Variants in CCDC171 observed in about 807,000 individuals in gnomAD.
The protein encoded by CCDC171 is coiled-coil domain-containing protein 171.
In CCDC171, 177 loss-of-function variants were observed where a neutral mutation model predicts 168.2. The ratio of observed to expected loss-of-function variants is 1.05; its 90% confidence interval spans 0.93 to 1.19. The LOEUF is 1.19. CCDC171 is among the 50% of genes most tolerant of loss of function. CCDC171 has a pLI of 0.00. For missense variants in CCDC171, 1,991 were observed against 1,539.0 expected, an observed-to-expected ratio of 1.29 and a Z score of -4.91; for synonymous variants, 687 against 540.8, an observed-to-expected ratio of 1.27 and a Z score of -3.75.
Position 15,971,906 on chromosome 9 carries a change from T to A in CCDC171, c.*70T>A. 7.4e-7 allele frequency: 1 copy of A among 1,343,522 alleles called. No individual in the cohort carries two copies. Among genetic ancestry groups the A allele is most frequent in the Non-Finnish European group, 1.1e-6 (1 of 948,676 alleles). 83.2% of individuals were successfully genotyped at this position (1,343,522 alleles called of 1,614,324 possible). A position where few individuals can be genotyped will look rare whatever the true frequency, so the allele number is the denominator to read the frequency against. The stretch of plus-strand genomic sequence containing the variant: ...AAATTGTTTTGAATGGGAATTTTCT[T>A]ATCAGTTGACTTTTGTTTCAGCAGA... On this transcript the variant is annotated 3_prime_UTR_variant, in exon 26 of 26. Transcript: ENST00000380701.
chr9:15,763,546 C>A (rs1285242365), intron 18 of CCDC171, among the ~76,000 whole-genome samples: 1 of 152,036 alleles, frequency 6.6e-6, no homozygotes, highest in Non-Finnish European at 1.5e-5. Flanking sequence ...GGGGCCACCA[C>A]GAATACAAAA....
intron 3 of CCDC171, among the ~76,000 whole-genome samples, chr9:16,013,873 A>G (rs746572742): frequency 6.6e-6 from 1 of 152,202 alleles, no homozygotes; most frequent in Non-Finnish European, 1.5e-5. Flanking sequence ...AATACTAACA[A>G]TCATCTGAGC....
rs1292078880 is a variant in CCDC171, at chr9:15,816,140, A to C, written c.3268-30562A>C. Among the ~76,000 whole-genome samples the C allele has an allele frequency of 2.5e-5, 3 of 117,882 alleles. 1 individual carries two copies. The East Asian group carries it at 6.4e-4, about 25-fold the overall frequency. 77.3% of individuals were successfully genotyped at this position (117,882 alleles called of 152,430 possible). ...TTTTTCAAAGTGTATGTTCTCATACATAATTTTAAAAACGTTTTTTCATGT... is the reference window on the plus strand; with the variant it reads ...TTTTTCAAAGTGTATGTTCTCATACCTAATTTTAAAAACGTTTTTTCATGT... On this transcript the variant is annotated intron_variant, in intron 21 of 25. Coordinates refer to ENST00000380701, the MANE Select transcript of CCDC171 (RefSeq NM_173550.4).
At chr9:15,571,522 T>G in intron 2 of CCDC171, 102 bp from the exon 3 acceptor site, 1 of 940,714 alleles carries the variant, frequency 1.1e-6, no homozygotes, top group Non-Finnish European at 1.6e-6. Flanking sequence ...CCATGTCATG[T>G]TCTCTTTGTT....
intron 18 of CCDC171, among the ~76,000 whole-genome samples, chr9:15,756,822 G>C (rs958211260): frequency 2.0e-5 from 3 of 152,184 alleles, no homozygotes; most frequent in Non-Finnish European, 2.9e-5. Flanking sequence ...GCAGTGAATA[G>C]GTCTTAACAA....
the CCDC171 span, among the ~76,000 whole-genome samples, chr9:16,096,064 C>T: frequency 9.2e-5 from 14 of 151,982 alleles, no homozygotes; most frequent in African/African-American, 2.7e-4. Flanking sequence ...CCCAGCATAT[C>T]TTCCAACAGG....
At chr9:15,905,238 T>C (rs1346109128) in intron 24 of CCDC171, among the ~76,000 whole-genome samples, 2 of 152,080 alleles carry the variant, frequency 1.3e-5, no homozygotes, top group Non-Finnish European at 2.9e-5. Context: ...AGCACCACAC[T>C]GCACTTATTC....
chr9:15,834,634 A>T (rs376277148), intron 21 of CCDC171, among the ~76,000 whole-genome samples: 4 of 152,164 alleles, frequency 2.6e-5, no homozygotes, highest in Non-Finnish European at 5.9e-5. Context: ...ATTATTTTCT[A>T]TGTTTTAGTT....
chr9:15,688,136 A>G (rs867491829), intron 10 of CCDC171, among the ~76,000 whole-genome samples: 2,240 of 146,172 alleles, frequency 0.015, 33 homozygotes, highest in Middle Eastern at 0.036. Flanking sequence ...AAAAAAAAAA[A>G]AAAGAAAGAA....
chr9:15,654,548 A>G (rs1489885283), intron 7 of CCDC171, among the ~76,000 whole-genome samples: 1 of 152,164 alleles, frequency 6.6e-6, no homozygotes, highest in Non-Finnish European at 1.5e-5. Flanking sequence ...TTCAGTTTTT[A>G]TTTCTATTTC....
At chr9:15,884,261 G>A (rs1370186449) in intron 24 of CCDC171, among the ~76,000 whole-genome samples, 1 of 104,112 alleles carries the variant, frequency 9.6e-6, no homozygotes, top group Admixed American at 1.2e-4. Flanking sequence ...GCATCTTTGG[G>A]TGATTATGAG....
chr9:15,703,400 A>G (rs1391622634), intron 11 of CCDC171, among the ~76,000 whole-genome samples: 2 of 152,224 alleles, frequency 1.3e-5, no homozygotes, highest in Admixed American at 6.5e-5. Context: ...CCATTAATAT[A>G]TCTCTCTTCA....
At chr9:15,628,546 C>G (rs1043412403) in intron 7 of CCDC171, among the ~76,000 whole-genome samples, 1 of 152,212 alleles carries the variant, frequency 6.6e-6, no homozygotes, top group African/African-American at 2.4e-5. Context: ...TGGGTGGAGC[C>G]CACCACAGCT....
intron 25 of CCDC171, among the ~76,000 whole-genome samples, chr9:15,951,924 C>T (rs1427878406): frequency 6.6e-6 from 1 of 151,990 alleles, no homozygotes; most frequent in East Asian, 1.9e-4. Flanking sequence ...GTGTCAAATT[C>T]CACAAATCTT....
At chr9:15,680,487 A>G (rs187900654) in intron 10 of CCDC171, among the ~76,000 whole-genome samples, 41 of 152,330 alleles carry the variant, frequency 2.7e-4, no homozygotes, top group Admixed American at 7.8e-4. Flanking sequence ...TGCTGCCCAT[A>G]TCGAAAGCTA....
At chr9:15,642,463 T>C (rs1373996649) in intron 7 of CCDC171, among the ~76,000 whole-genome samples, 2 of 150,458 alleles carry the variant, frequency 1.3e-5, no homozygotes, top group Admixed American at 1.3e-4. Flanking sequence ...ATGAAACAGT[T>C]TATGAATGTT....
At chr9:15,828,601 A>G (rs1157710674) in intron 21 of CCDC171, among the ~76,000 whole-genome samples, 1 of 152,228 alleles carries the variant, frequency 6.6e-6, no homozygotes, top group African/African-American at 2.4e-5. Flanking sequence ...ACAGATATGC[A>G]TAGATTTAAG....
At chr9:16,025,012 A>C (rs1833247220) in intron 6 of CCDC171, among the ~76,000 whole-genome samples, 2 of 152,230 alleles carry the variant, frequency 1.3e-5, no homozygotes, top group African/African-American at 4.8e-5. Context: ...TGCTGGTGGG[A>C]ATGTAAACTG....
At chr9:15,884,685 A>G (rs773340148) in intron 24 of CCDC171, among the ~76,000 whole-genome samples, 7 of 152,172 alleles carry the variant, frequency 4.6e-5, no homozygotes, top group Non-Finnish European at 1.0e-4. Flanking sequence ...AAGTCACTCA[A>G]CAGCACAGAG....
Sources: allele counts gnomAD v4.1 joint callset (sites outside exome capture counted in the v4.1 genomes callset), GRCh38; gene constraint gnomAD v4.1.1; transcripts MANE v1.5; gene names NCBI Gene and HGNC (gene_info 2026-07-23, HGNC 2026-07-21).